The following RBM33 variants were observed in gnomAD, a reference collection of about 807,000 sequenced individuals.
RBM33 encodes RNA-binding protein 33.
Under a neutral mutation model 132.6 loss-of-function variants are expected in RBM33, and 28 were observed. The ratio of observed to expected loss-of-function variants is 0.21; its 90% CI spans 0.16 to 0.29. The LOEUF is 0.29. RBM33 is among the 10% of genes least tolerant of loss of function. The pLI is 1.00. For synonymous variants in RBM33, 634 were observed against 593.0 expected (o/e 1.07, Z -1.01); for missense variants, 1,291 against 1,518.5 (o/e 0.85, Z 2.49).
rs1348394185 is a variant in RBM33, at chr7:155,766,663, C to T, written c.3375+8C>T. 6 of 1,606,158 alleles carry T rather than the reference C, an allele frequency of 3.7e-6. No individual in the cohort carries two copies. The highest frequency in any genetic ancestry group is 5.1e-6 in the Non-Finnish European group (6 of 1,176,406). ...TCAGTGGGACCCATTCAGGTAGCCGCCTGGGGGTGGCATCTGTGCCACGGG... is the reference window on the plus strand; with the variant it reads ...TCAGTGGGACCCATTCAGGTAGCCGTCTGGGGGTGGCATCTGTGCCACGGG... On this transcript the variant is annotated splice_region_variant and intron_variant, in intron 16 of 17. Transcript: ENST00000401878.
chr7:155,737,953 T>TCAA (rs1801183211), intron 10 of RBM33, 107 bp from the exon 11 acceptor site: 1 of 1,024,210 alleles, frequency 9.8e-7, no homozygotes, highest in South Asian at 1.6e-5. Flanking sequence ...TCATAACCTG[T>TCAA]CAACACTTGT....
rs1396300935 is a variant in RBM33 at position 155,688,835 on chromosome 7, A to G, written c.567+7927A>G. Among the ~76,000 whole-genome samples, 5 of 152,348 alleles carry G rather than the reference A, an allele frequency of 3.3e-5. 1 individual carries two copies. In the South Asian group the frequency reaches 6.2e-4, roughly 19 times the overall value. ...TCCCAGAGATGAAGCCCACTTGATC[A>G]TGGCGGATAAGCTTTTTGATGTGCT... On this transcript the variant is annotated intron_variant, in intron 5 of 17. Coordinates refer to ENST00000401878, the MANE Select transcript of RBM33 (RefSeq NM_053043.3).
intron 9 of RBM33, among the ~76,000 whole-genome samples, chr7:155,723,518 A>G (rs1800686195): frequency 6.6e-6 from 1 of 152,230 alleles, no homozygotes; most frequent in Non-Finnish European, 1.5e-5. Flanking sequence ...ATTAATCGTG[A>G]TTACCATACA....
chr7:155,757,680 C>T (rs1801896881), intron 14 of RBM33, among the ~76,000 whole-genome samples: 1 of 152,118 alleles, frequency 6.6e-6, no homozygotes, highest in Non-Finnish European at 1.5e-5. Context: ...GCAGTTCTTG[C>T]ACTGCTATAA....
At position 155,694,614 on chromosome 7, in the gene RBM33, G is replaced by A. The variant is rs554395681; in HGVS notation, c.568-6159G>A. 3.3e-5 allele frequency among the ~76,000 whole-genome samples: 5 copies of A among 152,280 alleles called. No individual in the cohort carries two copies. The South Asian group carries it at 1.0e-3, about 32-fold the overall frequency. ...CAGTCCTGACTCCTCAGAGTAAAGC[G>A]TTCTTATTTCTATACCTAGATTGGC... On this transcript the variant is annotated intron_variant, in intron 5 of 17. Coordinates refer to ENST00000401878, the MANE Select transcript of RBM33 (RefSeq NM_053043.3).
In RBM33 at chr7:155,777,432, G is replaced by A. The variant is rs1400293879; in HGVS notation, c.*2391G>A. 6.6e-6 allele frequency: 1 copy of A among 152,204 alleles called. No individual in the cohort carries two copies. Among genetic ancestry groups the A allele is most frequent in the African/African-American group, 2.4e-5 (1 of 41,446 alleles). The allele number at this position is 152,204 out of a possible 1,614,324, so 9.4% of individuals were successfully genotyped here. On this transcript the variant is annotated 3_prime_UTR_variant, in exon 18 of 18. Coordinates refer to ENST00000401878, the MANE Select transcript of RBM33 (RefSeq NM_053043.3). ...CACAACCATCGAAAATGGATTCTTA[G>A]TACCAGACAATCCCAGTAATGAAGG...
chr7:155,649,575 T>C (rs745598142), intron 1 of RBM33, among the ~76,000 whole-genome samples: 7 of 152,222 alleles, frequency 4.6e-5, no homozygotes, highest in Non-Finnish European at 1.0e-4. Context: ...ATTTTAAATA[T>C]GGTGATGTGG....
intron 6 of RBM33, among the ~76,000 whole-genome samples, chr7:155,702,586 G>A (rs986806379): frequency 2.0e-5 from 3 of 152,200 alleles, no homozygotes; most frequent in African/African-American, 7.2e-5. Flanking sequence ...GGAGGAATTG[G>A]TAATATCACA....
chr7:155,722,291 C>A (rs1445043360), intron 9 of RBM33, among the ~76,000 whole-genome samples: 3 of 152,180 alleles, frequency 2.0e-5, no homozygotes, highest in Non-Finnish European at 4.4e-5. Flanking sequence ...GGTCTGGCCT[C>A]TTAACCATCT....
At chr7:155,677,311 C>G (rs1799213382) in intron 3 of RBM33, among the ~76,000 whole-genome samples, 1 of 151,286 alleles carries the variant, frequency 6.6e-6, no homozygotes, top group African/African-American at 2.4e-5. Flanking sequence ...CGATTTCAAG[C>G]AATTCTCCTG....
In RBM33 at chr7:155,758,137, G is replaced by T. The variant is rs550276212; in HGVS notation, c.2980-5675G>T. 2.6e-5 allele frequency among the ~76,000 whole-genome samples: 4 copies of T among 152,298 alleles called. No individual in the cohort carries two copies. The East Asian group carries it at 7.7e-4, about 29-fold the overall frequency. ...CTGTACGGACCCTAGTACCTTTCTTGTCCTGTTGTAGACATTCAACAGATA... is the reference window on the plus strand; with the variant it reads ...CTGTACGGACCCTAGTACCTTTCTTTTCCTGTTGTAGACATTCAACAGATA... On this transcript the variant is annotated intron_variant, in intron 14 of 17. Transcript: ENST00000401878.
chr7:155,645,167 G>T lies in RBM33; in HGVS notation c.43+248G>T. The stretch of plus-strand genomic sequence containing the variant: ...TGTGTGTCCTCTACTTTGCAAGGCT[G>T]CCTAAGTGTCAGGCCCATCTCTGGC... On this transcript the variant is annotated intron_variant, in intron 1 of 17. Transcript: ENST00000401878. 7.2e-6 allele frequency: 3 copies of T among 416,222 alleles called. No individual in the cohort carries two copies. In the South Asian group the frequency reaches 1.4e-4, roughly 20 times the overall value. 25.8% of individuals were successfully genotyped at this position (416,222 alleles called of 1,614,324 possible).
intron 7 of RBM33, among the ~76,000 whole-genome samples, chr7:155,710,062 A>G (rs957857269): frequency 6.6e-6 from 1 of 151,088 alleles, no homozygotes; most frequent in African/African-American, 2.4e-5. Flanking sequence ...TCATTTTCCT[A>G]CCAAAGAGAT....
At chr7:155,681,075 C>G (rs558332946) in intron 5 of RBM33, among the ~76,000 whole-genome samples, 167 bp downstream of exon 5, 8 of 152,212 alleles carry the variant, frequency 5.3e-5, no homozygotes, top group Non-Finnish European at 7.3e-5. Context: ...TTTGTGTTGA[C>G]AGCTTGTTTG....
At chr7:155,748,285 A>G (rs1379238798) in intron 14 of RBM33, among the ~76,000 whole-genome samples, 2 of 152,236 alleles carry the variant, frequency 1.3e-5, no homozygotes, top group Admixed American at 6.5e-5. Context: ...TAATTTAACT[A>G]GTGTAACTAA....
At chr7:155,667,488 A>AT (rs1206837998) in intron 2 of RBM33, among the ~76,000 whole-genome samples, 2 of 152,062 alleles carry the variant, frequency 1.3e-5, no homozygotes, top group Admixed American at 1.3e-4. Context: ...CCCCAAAAGA[A>AT]TTTTTTGTTC....
At chr7:155,670,323 G>A (rs1380320808) in intron 2 of RBM33, among the ~76,000 whole-genome samples, 4 of 152,188 alleles carry the variant, frequency 2.6e-5, no homozygotes, top group African/African-American at 9.7e-5. Flanking sequence ...TACTGCTGCT[G>A]CCAGCCAGAG....
intron 5 of RBM33, 54 bp from the exon 6 acceptor site, chr7:155,700,719 T>C: frequency 8.0e-7 from 1 of 1,251,174 alleles, no homozygotes. Flanking sequence ...AATATTTAAT[T>C]CAAAAGAATA....
chr7:155,714,750 G>A (rs966792975), intron 8 of RBM33, among the ~76,000 whole-genome samples: 5 of 152,184 alleles, frequency 3.3e-5, no homozygotes, highest in African/African-American at 1.2e-4. Flanking sequence ...ATTCCTAAGG[G>A]TGTGGGAGAG....
Sources: allele counts gnomAD v4.1 joint callset (sites outside exome capture counted in the v4.1 genomes callset), GRCh38; gene constraint gnomAD v4.1.1; transcripts MANE v1.5; gene names NCBI Gene and HGNC (gene_info 2026-07-23, HGNC 2026-07-21).